ADAMTS6: variants seen among roughly 807,000 people sequenced by gnomAD.
The protein encoded by ADAMTS6 is A disintegrin and metalloproteinase with thrombospondin motifs 6.
Under a neutral mutation model 144.3 loss-of-function variants are expected in ADAMTS6, and 23 were observed. The observed-to-expected ratio is 0.16, with a 90% confidence interval of 0.11 to 0.23. The LOEUF is 0.23. Ranked by LOEUF, ADAMTS6 falls within the 10% of genes least tolerant of loss-of-function variation. The pLI is 1.00. For missense variants in ADAMTS6, 999 were observed against 1,379.6 expected, an observed-to-expected ratio of 0.72 and a Z score of 4.37; for synonymous variants, 444 against 457.5, an observed-to-expected ratio of 0.97 and a Z score of 0.38.
intron 24 of ADAMTS6, among the ~76,000 whole-genome samples, chr5:65,170,124 A>T (rs1029192763): frequency 2.0e-5 from 3 of 152,212 alleles, no homozygotes; most frequent in African/African-American, 7.2e-5. Context: ...CAGCTACATA[A>T]TTATTTTTCT....
At chr5:65,303,816 A>G (rs528002850) in intron 9 of ADAMTS6, among the ~76,000 whole-genome samples, 56 of 152,256 alleles carry the variant, frequency 3.7e-4, no homozygotes, top group African/African-American at 1.3e-3. Context: ...CCTAATTGCT[A>G]TGGCATTTAG....
At chr5:65,299,894 CATT>C in intron 10 of ADAMTS6, 88 bp downstream of exon 10, 1 of 1,403,108 alleles carries the variant, frequency 7.1e-7, no homozygotes, top group African/African-American at 1.4e-5. Context: ...AAAACTTACT[CATT>C]ATGCAAAGTT....
intron 24 of ADAMTS6, among the ~76,000 whole-genome samples, chr5:65,168,047 G>T (rs1243895616): frequency 6.6e-6 from 1 of 150,762 alleles, no homozygotes; most frequent in Non-Finnish European, 1.5e-5. Context: ...AATCAGGCAG[G>T]AGAAGGAAAT....
chr5:65,297,204 C>T (rs1161284668), intron 10 of ADAMTS6: 5 of 455,584 alleles, frequency 1.1e-5, no homozygotes, highest in East Asian at 7.0e-5. Context: ...GGCTTCTGGG[C>T]GATTCATGAA....
chr5:65,472,011 T>C (rs563701457), intron 2 of ADAMTS6, among the ~76,000 whole-genome samples: 1 of 152,304 alleles, frequency 6.6e-6, no homozygotes, highest in African/African-American at 2.4e-5. Context: ...TTTCCATCAA[T>C]TGATGAATAG....
intron 15 of ADAMTS6, among the ~76,000 whole-genome samples, chr5:65,237,180 G>C (rs535389723): frequency 6.6e-6 from 1 of 151,998 alleles, no homozygotes; most frequent in African/African-American, 2.4e-5. Context: ...AATCCCTTGA[G>C]CTTAGGAGTT....
At chr5:65,367,920 T>A (rs954323328) in intron 7 of ADAMTS6, among the ~76,000 whole-genome samples, 1 of 151,934 alleles carries the variant, frequency 6.6e-6, no homozygotes, top group Admixed American at 6.6e-5. Flanking sequence ...ATATGACCAA[T>A]CACATAAAAT....
chr5:65,263,818 A>C (rs1162077615), intron 12 of ADAMTS6, among the ~76,000 whole-genome samples: 1 of 152,216 alleles, frequency 6.6e-6, no homozygotes, highest in Non-Finnish European at 1.5e-5. Context: ...TTGACACACC[A>C]AAATAATGCT....
intron 14 of ADAMTS6, among the ~76,000 whole-genome samples, chr5:65,246,384 T>C (rs1759632953): frequency 6.6e-6 from 1 of 152,180 alleles, no homozygotes. Flanking sequence ...CAATGCTTAA[T>C]AGCTGGCAGA....
At chr5:65,398,188 C>G (rs931301539) in intron 7 of ADAMTS6, among the ~76,000 whole-genome samples, 4 of 152,142 alleles carry the variant, frequency 2.6e-5, no homozygotes, top group African/African-American at 9.7e-5. Flanking sequence ...TACTGATTTT[C>G]CAGTTGCTGA....
chr5:65,333,230 A>G (rs1746952748), intron 8 of ADAMTS6, among the ~76,000 whole-genome samples: 1 of 152,016 alleles, frequency 6.6e-6, no homozygotes, highest in South Asian at 2.1e-4. Flanking sequence ...TAAAAAATTG[A>G]GAAAAAAAGC....
intron 10 of ADAMTS6, 57 bp downstream of exon 10, chr5:65,299,928 T>C (rs1743196795): frequency 6.4e-7 from 1 of 1,564,408 alleles, no homozygotes; most frequent in Non-Finnish European, 8.7e-7. Context: ...CATGTTAGGC[T>C]TCTACCAGTG....
chr5:65,328,173 C>T (rs1393695596), intron 9 of ADAMTS6, among the ~76,000 whole-genome samples: 1 of 151,968 alleles, frequency 6.6e-6, no homozygotes, highest in Non-Finnish European at 1.5e-5. Context: ...TAAATCATAT[C>T]AACTTGATAA....
chr5:65,358,572 C>A (rs74726061), intron 7 of ADAMTS6, among the ~76,000 whole-genome samples: 2,506 of 152,114 alleles, frequency 0.016, 35 homozygotes, highest in East Asian at 0.083. Context: ...ATAGCCACAG[C>A]AACCTTGAAT....
At chr5:65,267,228 C>T (rs1164003264) in intron 12 of ADAMTS6, among the ~76,000 whole-genome samples, 1 of 152,006 alleles carries the variant, frequency 6.6e-6, no homozygotes, top group Non-Finnish European at 1.5e-5. Context: ...TATGTAGATG[C>T]AAACAAGTTT....
At chr5:65,333,710 T>C (rs1412919932) in intron 8 of ADAMTS6, among the ~76,000 whole-genome samples, 2 of 149,808 alleles carry the variant, frequency 1.3e-5, no homozygotes, top group African/African-American at 2.5e-5. Flanking sequence ...ATTACAGAGA[T>C]AGATTATATG....
At chr5:65,276,476 C>T (rs150122156) in intron 11 of ADAMTS6, among the ~76,000 whole-genome samples, 8 of 152,180 alleles carry the variant, frequency 5.3e-5, no homozygotes, top group Non-Finnish European at 1.2e-4. Flanking sequence ...CGGAATGTTT[C>T]CCAAGACTTT....
chr5:65,415,576 TGGA>T (rs1200109056), intron 7 of ADAMTS6: 4 of 376,368 alleles, frequency 1.1e-5, no homozygotes, highest in Non-Finnish European at 2.1e-5. Flanking sequence ...ATGAAGTCCC[TGGA>T]GGAGATCTAT....
chr5:65,185,339 G>C (rs1754606567), intron 22 of ADAMTS6, among the ~76,000 whole-genome samples: 1 of 152,230 alleles, frequency 6.6e-6, no homozygotes, highest in African/African-American at 2.4e-5. Flanking sequence ...ATAAACAGGA[G>C]TAACAGTATG....
Sources: gnomAD v4.1 joint callset for allele counts (sites outside exome capture counted in the v4.1 genomes callset) on GRCh38, gnomAD v4.1.1 for gene constraint, MANE v1.5 for transcripts, NCBI Gene and HGNC (gene_info 2026-07-23, HGNC 2026-07-21) for gene names.